MAF: variants seen among roughly 807,000 people sequenced by gnomAD.
MAF encodes transcription factor Maf.
MAF carries 10 observed loss-of-function variants against 22.0 expected under a neutral mutation model. The ratio of observed to expected loss-of-function variants is 0.45; its 90% confidence interval spans 0.28 to 0.77. The LOEUF (loss-of-function observed/expected upper bound fraction) is 0.77, where lower values mean the gene tolerates loss of function less well. Ranked by LOEUF, MAF falls within the 30% of genes least tolerant of loss-of-function variation. The pLI is 0.12. For synonymous variants in MAF, 337 were observed against 255.8 expected (o/e 1.32, Z -3.03); for missense variants, 544 against 548.4 (o/e 0.99, Z 0.08).
chr16:79,413,266 G>T, the MAF span, among the ~76,000 whole-genome samples: 1 of 84,078 alleles, frequency 1.2e-5, no homozygotes, highest in Admixed American at 1.8e-4. Context: ...TTTTTGAGAC[G>T]GAGTCTCGCT....
the MAF span, among the ~76,000 whole-genome samples, chr16:79,300,982 G>C: frequency 1.3e-5 from 2 of 151,986 alleles, no homozygotes; most frequent in African/African-American, 2.4e-5. Flanking sequence ...GGGCAGAAGG[G>C]GGAGGAGACG....
the MAF span, among the ~76,000 whole-genome samples, chr16:79,209,333 G>A: frequency 6.6e-6 from 1 of 152,206 alleles, no homozygotes; most frequent in African/African-American, 2.4e-5. Context: ...TAATGCAAGA[G>A]TGCAACGTGG....
chr16:79,236,684 G>A, the MAF span, among the ~76,000 whole-genome samples: 2 of 151,966 alleles, frequency 1.3e-5, no homozygotes, highest in African/African-American at 4.8e-5. Context: ...CCCTTTCCTT[G>A]TCCTCTGAGT....
the MAF span, among the ~76,000 whole-genome samples, chr16:79,398,625 G>A: frequency 1.6e-4 from 25 of 152,186 alleles, no homozygotes; most frequent in East Asian, 3.7e-3. Context: ...GTGCATTTGT[G>A]TCTATCTGTA....
chr16:79,261,649 C>T, the MAF span, among the ~76,000 whole-genome samples: 10 of 152,318 alleles, frequency 6.6e-5, no homozygotes, highest in South Asian at 6.2e-4. Context: ...TGCAGAGGGA[C>T]GGCCTGCCCC....
At chr16:79,336,937 C>T in the MAF span, among the ~76,000 whole-genome samples, 1 of 152,126 alleles carries the variant, frequency 6.6e-6, no homozygotes, top group African/African-American at 2.4e-5. Flanking sequence ...GTGAGAGGTT[C>T]CACACGTTAA....
At chr16:79,469,858 G>C in the MAF span, among the ~76,000 whole-genome samples, 2 of 152,164 alleles carry the variant, frequency 1.3e-5, no homozygotes, top group Admixed American at 6.5e-5. Flanking sequence ...GCCTCCCAAA[G>C]TGCTGAGATT....
At chr16:79,434,054 T>C in the MAF span, among the ~76,000 whole-genome samples, 1 of 152,170 alleles carries the variant, frequency 6.6e-6, no homozygotes, top group Non-Finnish European at 1.5e-5. Context: ...GTTCTCCCCG[T>C]TGCATAGGTG....
At chr16:79,429,881 A>G in the MAF span, among the ~76,000 whole-genome samples, 1 of 151,942 alleles carries the variant, frequency 6.6e-6, no homozygotes, top group African/African-American at 2.4e-5. Context: ...GTGTCACCAT[A>G]ATTTGTAGGT....
the MAF span, among the ~76,000 whole-genome samples, chr16:79,345,682 C>T: frequency 1.8e-3 from 227 of 126,136 alleles, no homozygotes; most frequent in South Asian, 3.4e-3. Context: ...AAGCCAAGAT[C>T]GCGCCACTGC....
downstream of MAF, among the ~76,000 whole-genome samples, chr16:79,590,437 T>C (rs548651294): frequency 2.2e-4 from 34 of 152,260 alleles, no homozygotes; most frequent in Admixed American, 3.9e-4. Context: ...AGGTGACTTA[T>C]TGGGTCCCAG....
chr16:79,436,213 G>A, the MAF span, among the ~76,000 whole-genome samples: 1 of 152,088 alleles, frequency 6.6e-6, no homozygotes, highest in African/African-American at 2.4e-5. Flanking sequence ...CTTTCAACCA[G>A]CTGGGACTAC....
the MAF span, among the ~76,000 whole-genome samples, chr16:79,363,063 G>A: frequency 6.6e-6 from 1 of 152,096 alleles, no homozygotes; most frequent in African/African-American, 2.4e-5. Context: ...CACCTGATAT[G>A]GGTCCCTAAA....
At chr16:79,502,690 AATATAAATATAAATATAAATAT>A in the MAF span, among the ~76,000 whole-genome samples, 5 of 15,906 alleles carry the variant, frequency 3.1e-4, no homozygotes, top group African/African-American at 4.0e-4. Flanking sequence ...TATAAATATA[AATATAAATATAAATATAAATAT>A]ATATATATAT....
At chr16:79,224,483 C>A in the MAF span, among the ~76,000 whole-genome samples, 1 of 152,130 alleles carries the variant, frequency 6.6e-6, no homozygotes, top group Non-Finnish European at 1.5e-5. Flanking sequence ...TGCTCCTATT[C>A]CACATAGTAT....
the MAF span, among the ~76,000 whole-genome samples, chr16:79,546,746 G>C: frequency 1.3e-5 from 2 of 152,102 alleles, no homozygotes; most frequent in Non-Finnish European, 2.9e-5. Flanking sequence ...GGAAAAATAA[G>C]AGCCCCTGCC....
At chr16:79,535,925 G>A in the MAF span, among the ~76,000 whole-genome samples, 3 of 152,150 alleles carry the variant, frequency 2.0e-5, no homozygotes, top group African/African-American at 7.2e-5. Flanking sequence ...ATGTGATACC[G>A]CCATGAAGTC....
Position 79,599,965 on chromosome 16 carries a change from G to A in MAF, c.-63C>T. ...CAGATGGGCTGCAGGAGAGGGGCCAGCGGGCTGTGCTGGGTGGCCAGCGGG... is the reference window on the plus strand; with the variant it reads ...CAGATGGGCTGCAGGAGAGGGGCCAACGGGCTGTGCTGGGTGGCCAGCGGG... On this transcript the variant is annotated 5_prime_UTR_variant, in exon 1 of 2. Transcript: ENST00000326043. 6.3e-7 allele frequency: 1 copy of A among 1,594,216 alleles called. No individual in the cohort carries two copies. Among genetic ancestry groups the A allele is most frequent in the Non-Finnish European group, 8.5e-7 (1 of 1,177,242 alleles).
chr16:79,285,287 G>C, the MAF span, among the ~76,000 whole-genome samples: 1 of 152,062 alleles, frequency 6.6e-6, no homozygotes, highest in African/African-American at 2.4e-5. Context: ...CTTTCGTTAG[G>C]TCTTTAAGCC....
Sources: allele counts gnomAD v4.1 joint callset (sites outside exome capture counted in the v4.1 genomes callset), GRCh38; gene constraint gnomAD v4.1.1; transcripts MANE v1.5; gene names NCBI Gene and HGNC (gene_info 2026-07-23, HGNC 2026-07-21).